Variants in PLD5 observed in about 807,000 individuals in gnomAD.
PLD5 encodes the protein inactive phospholipase D5.
Under a neutral mutation model 61.1 loss-of-function variants are expected in PLD5, and 36 were observed. That is an observed-to-expected ratio of 0.59 (90% CI 0.45 to 0.78). The LOEUF is 0.78. Among genes scored for constraint, PLD5 ranks in the 30% least tolerant of loss-of-function variants. The pLI is 0.00. For synonymous variants in PLD5, 243 were observed against 242.8 expected (o/e 1.00, Z -0.01); for missense variants, 515 against 644.4 (o/e 0.80, Z 2.17).
chr1:242,498,352 C>T (rs969985787), intron 1 of PLD5, among the ~76,000 whole-genome samples: 3 of 152,120 alleles, frequency 2.0e-5, no homozygotes, highest in African/African-American at 7.2e-5. Flanking sequence ...AAAAATTATT[C>T]CTCATCCCAT....
intron 1 of PLD5, among the ~76,000 whole-genome samples, chr1:242,519,334 T>A (rs1669207353): frequency 6.6e-6 from 1 of 152,224 alleles, no homozygotes; most frequent in South Asian, 2.1e-4. Context: ...AGTGTGCACT[T>A]GGCATTTATT....
chr1:242,427,977 A>G (rs1157256622), intron 1 of PLD5, among the ~76,000 whole-genome samples: 1 of 152,234 alleles, frequency 6.6e-6, no homozygotes, highest in Non-Finnish European at 1.5e-5. Context: ...AATTGTAACC[A>G]GACTGAAACA....
intron 5 of PLD5, among the ~76,000 whole-genome samples, chr1:242,209,834 G>A (rs546554352): frequency 6.4e-4 from 97 of 152,184 alleles, no homozygotes; most frequent in African/African-American, 2.0e-3. Flanking sequence ...TCACTCTGTC[G>A]CCCAGGCTGG....
intron 5 of PLD5, among the ~76,000 whole-genome samples, chr1:242,152,926 C>G (rs960499149): frequency 6.6e-6 from 1 of 152,166 alleles, no homozygotes; most frequent in South Asian, 2.1e-4. Context: ...CTTGAGGAAT[C>G]GCCACACTGT....
chr1:242,145,057 C>G (rs956602398), intron 5 of PLD5, among the ~76,000 whole-genome samples: 1 of 152,150 alleles, frequency 6.6e-6, no homozygotes, highest in Non-Finnish European at 1.5e-5. Context: ...TATTATTAGC[C>G]CACAGCTAAC....
intron 5 of PLD5, among the ~76,000 whole-genome samples, chr1:242,187,112 T>C (rs316837): frequency 0.84 from 127,973 of 152,232 alleles, 54,288 homozygotes; most frequent in African/African-American, 0.95. Context: ...CCCTTCTCTC[T>C]AGCCAGAGAC....
At chr1:242,433,320 G>C (rs1408853761) in intron 1 of PLD5, among the ~76,000 whole-genome samples, 2 of 152,168 alleles carry the variant, frequency 1.3e-5, no homozygotes, top group Non-Finnish European at 2.9e-5. Context: ...AGGTGTCTCT[G>C]TCTCACCCTT....
chr1:242,447,411 T>C (rs1300862852), intron 1 of PLD5, among the ~76,000 whole-genome samples: 1 of 152,222 alleles, frequency 6.6e-6, no homozygotes, highest in African/African-American at 2.4e-5. Flanking sequence ...CTTTTCATCA[T>C]GGAAAGGATT....
chr1:242,183,701 T>C (rs1003407819), intron 5 of PLD5, among the ~76,000 whole-genome samples: 3 of 152,090 alleles, frequency 2.0e-5, no homozygotes, highest in African/African-American at 2.4e-5. Flanking sequence ...CCAGACCATC[T>C]TGGCTAACAC....
chr1:242,307,365 A>ATGATGATGG (rs1676440001), intron 2 of PLD5, among the ~76,000 whole-genome samples: 2 of 148,748 alleles, frequency 1.3e-5, no homozygotes, highest in Non-Finnish European at 1.5e-5. Flanking sequence ...GATGATGGTG[A>ATGATGATGG]TGATGATGAT....
intron 1 of PLD5, among the ~76,000 whole-genome samples, chr1:242,363,117 T>C (rs939319640): frequency 2.6e-5 from 4 of 152,042 alleles, no homozygotes; most frequent in African/African-American, 9.7e-5. Context: ...TGAGTGCTGA[T>C]TGGCACACAG....
intron 5 of PLD5, among the ~76,000 whole-genome samples, chr1:242,167,552 G>T (rs1247453111): frequency 1.3e-5 from 2 of 152,164 alleles, no homozygotes; most frequent in Non-Finnish European, 2.9e-5. Flanking sequence ...GATGAGATTT[G>T]GGTGGGGACA....
chr1:242,253,064 C>T (rs991983921), intron 4 of PLD5, among the ~76,000 whole-genome samples: 1 of 150,956 alleles, frequency 6.6e-6, no homozygotes, highest in Non-Finnish European at 1.5e-5. Flanking sequence ...ATCCGCTTGC[C>T]TTGGCCTCCC....
In PLD5 at chr1:242,086,454, C is replaced by G. The variant is rs747357963; in HGVS notation, c.*3400G>C. 6.6e-6 allele frequency: 1 copy of G among 152,148 alleles called. No homozygotes were observed. The highest frequency in any genetic ancestry group is 2.4e-5 in the African/African-American group (1 of 41,412). The allele number at this position is 152,148 out of a possible 1,614,324, so 9.4% of individuals were successfully genotyped here. A position where few individuals can be genotyped will look rare whatever the true frequency, so the allele number is the denominator to read the frequency against. Reference sequence around the variant, plus strand: ...TGTTTACAAAGCATGGATGTCATCTCACTCTTCCACTTCCTCTCCAATGGT... The same window carrying G: ...TGTTTACAAAGCATGGATGTCATCTGACTCTTCCACTTCCTCTCCAATGGT... On this transcript the variant is annotated 3_prime_UTR_variant, in exon 10 of 10. Coordinates refer to ENST00000536534, the MANE Select transcript of PLD5 (RefSeq NM_001372062.1).
At chr1:242,101,748 A>G (rs1660709914) in intron 8 of PLD5, among the ~76,000 whole-genome samples, 1 of 152,200 alleles carries the variant, frequency 6.6e-6, no homozygotes, top group South Asian at 2.1e-4. Context: ...ATTTGGTTTG[A>G]GGAAATAATG....
Position 242,253,376 on chromosome 1 carries a change from G to A in PLD5, c.607+11961C>T, listed in dbSNP as rs565886484. On this transcript the variant is annotated intron_variant, in intron 4 of 9. Coordinates refer to ENST00000536534, the MANE Select transcript of PLD5 (RefSeq NM_001372062.1). ...CGCCCAGGCTGGAGTGCAGTGGCGCGATCTTGGCTCACTGCAAGCTCTGCC... is the reference window on the plus strand; with the variant it reads ...CGCCCAGGCTGGAGTGCAGTGGCGCAATCTTGGCTCACTGCAAGCTCTGCC... Among the ~76,000 whole-genome samples, 460 of 142,014 alleles carry A rather than the reference G, an allele frequency of 3.2e-3. 5 individuals carry two copies. Among genetic ancestry groups the A allele is most frequent in the African/African-American group, 0.012 (436 of 37,870 alleles). The allele number at this position is 142,014 out of a possible 152,430, so 93.2% of individuals were successfully genotyped here.
intron 5 of PLD5, among the ~76,000 whole-genome samples, chr1:242,155,658 T>C: frequency 6.6e-6 from 1 of 152,164 alleles, no homozygotes; most frequent in Non-Finnish European, 1.5e-5. Flanking sequence ...AATTGTGTGG[T>C]TTTGAGTAAG....
chr1:242,412,945 G>T (rs1466094201), intron 1 of PLD5, among the ~76,000 whole-genome samples: 1 of 152,164 alleles, frequency 6.6e-6, no homozygotes, highest in East Asian at 1.9e-4. Context: ...ATGCATGGGT[G>T]GTTTGGTTTC....
Position 242,524,330 on chromosome 1 carries a change from G to A in PLD5, c.-54C>T. On this transcript the variant is annotated 5_prime_UTR_variant, in exon 1 of 10. Transcript: ENST00000536534. Reference sequence around the variant, plus strand: ...GCAGCGGACTCGGGACGGGCGCGCGGGGAGCCGGGCGCGGAGGGCGAGCGG... The same window carrying A: ...GCAGCGGACTCGGGACGGGCGCGCGAGGAGCCGGGCGCGGAGGGCGAGCGG... The A allele has an allele frequency of 7.4e-7, 1 of 1,353,182 alleles. No homozygotes were observed. Among genetic ancestry groups the A allele is most frequent in the Admixed American group, 3.9e-5 (1 of 25,772 alleles). 83.8% of individuals were successfully genotyped at this position (1,353,182 alleles called of 1,614,324 possible).
Sources: gnomAD v4.1 joint callset for allele counts (sites outside exome capture counted in the v4.1 genomes callset) on GRCh38, gnomAD v4.1.1 for gene constraint, MANE v1.5 for transcripts, NCBI Gene and HGNC (gene_info 2026-07-23, HGNC 2026-07-21) for gene names.